Variants in MYO9A observed in about 807,000 individuals in gnomAD.
MYO9A encodes myosin IXA.
Under a neutral mutation model 293.3 loss-of-function variants are expected in MYO9A, and 103 were observed. That is an observed-to-expected ratio of 0.35 (90% CI 0.30 to 0.41). The LOEUF is 0.41. Ranked by LOEUF, MYO9A falls within the 10% of genes least tolerant of loss-of-function variation. The pLI, the probability that MYO9A is intolerant of heterozygous loss-of-function variation, is 1.00. For missense variants in MYO9A, 2,685 were observed against 3,033.0 expected, an observed-to-expected ratio of 0.89 and a Z score of 2.69; for synonymous variants, 1,001 against 1,035.7, an observed-to-expected ratio of 0.97 and a Z score of 0.64.
In MYO9A at chr15:71,899,023, A is replaced by T; in HGVS notation, c.3480T>A (p.Ala1160=). Residue 1160 remains alanine, a synonymous_variant, in exon 25 of 42, where the codon GCT becomes GCA. Transcript: ENST00000356056. ...RGFRARQRFK[A]LKEQRLRETK... ...TTTCTCTTAGCCTTTGTTCTTTTAA[A>T]GCTTTAAATCTATATAAAAACAGAC... 1 of 1,603,612 alleles carries T rather than the reference A, an allele frequency of 6.2e-7. No homozygotes were observed. Among genetic ancestry groups the T allele is most frequent in the South Asian group, 1.1e-5 (1 of 90,032 alleles).
chr15:71,901,484 C>A (rs746720103), intron 22 of MYO9A, 144 bp from the exon 23 acceptor site: 25 of 832,646 alleles, frequency 3.0e-5, no homozygotes, highest in Non-Finnish European at 4.3e-5. Context: ...AATATTCCTA[C>A]AGATTTATCC....
intron 1 of MYO9A, among the ~76,000 whole-genome samples, chr15:72,088,997 T>C (rs1288684605): frequency 6.6e-6 from 1 of 152,214 alleles, no homozygotes; most frequent in Non-Finnish European, 1.5e-5. Flanking sequence ...GGCAAGAGTA[T>C]GATCAGAAAA....
At chr15:71,995,327 C>T (rs2076667579) in intron 9 of MYO9A, among the ~76,000 whole-genome samples, 1 of 152,152 alleles carries the variant, frequency 6.6e-6, no homozygotes, top group South Asian at 2.1e-4. Context: ...ACTAATACAA[C>T]CACAATTACA....
intron 1 of MYO9A, among the ~76,000 whole-genome samples, chr15:72,082,793 G>GT (rs1002779343): frequency 5.4e-4 from 81 of 151,134 alleles, no homozygotes; most frequent in African/African-American, 1.9e-3. Context: ...TAATCATGTG[G>GT]TTTTTTTAGT....
At chr15:71,897,400 C>T in intron 25 of MYO9A, 61 bp downstream of exon 25, 1 of 1,486,944 alleles carries the variant, frequency 6.7e-7, no homozygotes, top group East Asian at 2.3e-5. Context: ...CAGAACAAGG[C>T]ACCTTAATAA....
In MYO9A at chr15:72,074,951, C is replaced by CTTTTTTTT. The variant is rs750462703; in HGVS notation, c.-71-28325_-71-28318dup. ...CAGTTAGAAATTTCATTTTCACTGC[C>CTTTTTTTT]TTTTTTTTTTTTTTTTTTTTTTTTT... On this transcript the variant is annotated intron_variant, in intron 1 of 41. Coordinates refer to ENST00000356056, the MANE Select transcript of MYO9A (RefSeq NM_006901.4). 1.9e-3 allele frequency among the ~76,000 whole-genome samples: 101 copies of CTTTTTTTT among 53,128 alleles called. 17 individuals are homozygous for CTTTTTTTT. Among genetic ancestry groups the CTTTTTTTT allele is most frequent in the East Asian group, 0.011 (15 of 1,368 alleles). The allele number at this position is 53,128 out of a possible 152,430, so 34.9% of individuals were successfully genotyped here.
chr15:72,019,436 T>C (rs2077436105), intron 5 of MYO9A, among the ~76,000 whole-genome samples: 1 of 152,180 alleles, frequency 6.6e-6, no homozygotes, highest in Non-Finnish European at 1.5e-5. Context: ...TACTAACAAC[T>C]ATCAGCTCAT....
intron 1 of MYO9A, among the ~76,000 whole-genome samples, chr15:72,055,269 G>C (rs1450260323): frequency 1.3e-5 from 2 of 152,104 alleles, no homozygotes; most frequent in African/African-American, 4.8e-5. Context: ...TAAATAAAAT[G>C]TTAATAGTTG....
rs57800508 is a variant in MYO9A, at chr15:71,975,390, CGTGTGTGTGT to C, written c.1844+2771_1844+2780del. Among the ~76,000 whole-genome samples the C allele has an allele frequency of 3.9e-4, 34 of 86,686 alleles. 1 individual carries two copies. The highest frequency in any genetic ancestry group is 1.3e-3 in the Admixed American group (10 of 7,876). The allele number at this position is 86,686 out of a possible 152,430, so 56.9% of individuals were successfully genotyped here. On this transcript the variant is annotated intron_variant, in intron 12 of 41. Transcript: ENST00000356056. Reference sequence around the variant, plus strand: ...CCTTTGGCCTATGACGTGATTTTATCGTGTGTGTGTGTGTGTGTGTGTGTGTGTGTGTGTG... The same window carrying C: ...CCTTTGGCCTATGACGTGATTTTATCGTGTGTGTGTGTGTGTGTGTGTGTG...
chr15:72,065,934 T>C (rs1031463135), intron 1 of MYO9A, among the ~76,000 whole-genome samples: 1 of 152,230 alleles, frequency 6.6e-6, no homozygotes, highest in Non-Finnish European at 1.5e-5. Flanking sequence ...AACCATGAAT[T>C]TTGGCTACAC....
chr15:71,997,548 G>C (rs569657816), intron 9 of MYO9A, among the ~76,000 whole-genome samples: 1 of 151,674 alleles, frequency 6.6e-6, no homozygotes, highest in Non-Finnish European at 1.5e-5. Flanking sequence ...TGCAGTGAGC[G>C]AGATCACACC....
chr15:72,090,288 A>G (rs1360046682), intron 1 of MYO9A, among the ~76,000 whole-genome samples: 1 of 152,218 alleles, frequency 6.6e-6, no homozygotes, highest in Non-Finnish European at 1.5e-5. Context: ...CTAACTTTAT[A>G]TCTTTTTAAA....
At chr15:71,906,970 G>T (rs7172281) in intron 19 of MYO9A, among the ~76,000 whole-genome samples, 134,802 of 145,952 alleles carry the variant, frequency 0.92, 62,624 homozygotes, top group Non-Finnish European at 0.97. Flanking sequence ...TACTTTAAGT[G>T]TTAGGGTACA....
At chr15:72,004,688 A>G (rs1463916419) in intron 8 of MYO9A, among the ~76,000 whole-genome samples, 1 of 152,244 alleles carries the variant, frequency 6.6e-6, no homozygotes, top group Non-Finnish European at 1.5e-5. Context: ...TCTCACAACA[A>G]AAACATCTTC....
chr15:72,091,843 T>C (rs868256645), intron 1 of MYO9A, among the ~76,000 whole-genome samples: 3 of 151,618 alleles, frequency 2.0e-5, no homozygotes, highest in South Asian at 2.1e-4. Flanking sequence ...GCCTCCCGAG[T>C]AGCTGGGACT....
chr15:72,092,095 CAGAGAGATAAGCAG>C (rs1256640432), intron 1 of MYO9A, among the ~76,000 whole-genome samples: 1 of 152,132 alleles, frequency 6.6e-6, no homozygotes. Context: ...GGCAGGAATT[CAGAGAGATAAGCAG>C]AGCACTGAAG....
intron 1 of MYO9A, among the ~76,000 whole-genome samples, chr15:72,103,400 C>A (rs538642205): frequency 7.1e-6 from 1 of 141,612 alleles, no homozygotes; most frequent in South Asian, 2.3e-4. Flanking sequence ...GCAGAAGCAG[C>A]AGCAAGCAGC....
At chr15:71,880,695 T>C (rs2056848122) in intron 28 of MYO9A, 137 bp from the exon 29 acceptor site, 5 of 741,976 alleles carry the variant, frequency 6.7e-6, no homozygotes, top group Non-Finnish European at 1.1e-5. Context: ...GTAACATTAA[T>C]GTTTGAGGTT....
At chr15:71,827,097 C>T in intron 41 of MYO9A, 54 bp from the exon 42 acceptor site, 1 of 1,326,750 alleles carries the variant, frequency 7.5e-7, no homozygotes, top group Non-Finnish European at 1.0e-6. Flanking sequence ...TAAAGCAAAT[C>T]ATCATATAAT....
Sources: gnomAD v4.1 joint callset for allele counts (sites outside exome capture counted in the v4.1 genomes callset) on GRCh38, gnomAD v4.1.1 for gene constraint, MANE v1.5 for transcripts, NCBI Gene and HGNC (gene_info 2026-07-23, HGNC 2026-07-21) for gene names.